Variants in RBFOX3 observed in about 807,000 individuals in gnomAD.
RBFOX3 encodes RNA binding fox-1 homolog 3, also known as RNA binding protein fox-1 homolog 3.
A neutral mutation model predicts 48.7 loss-of-function variants in RBFOX3; 17 were observed. That is an observed-to-expected ratio of 0.35 (90% CI 0.24 to 0.52). The LOEUF (loss-of-function observed/expected upper bound fraction) is 0.52. Among genes scored for constraint, RBFOX3 ranks in the 20% least tolerant of loss-of-function variants. The pLI, the probability that RBFOX3 is intolerant of heterozygous loss-of-function variation, is 0.94. For missense variants in RBFOX3, 382 were observed against 497.5 expected (o/e 0.77, Z 2.21); for synonymous variants, 212 against 209.5 (o/e 1.01, Z -0.10).
At chr17:79,520,643 A>G (rs1205789713) in intron 1 of RBFOX3, among the ~76,000 whole-genome samples, 1 of 152,228 alleles carries the variant, frequency 6.6e-6, no homozygotes, top group South Asian at 2.1e-4. Context: ...TGAGCCTGAC[A>G]TCTCGGCCTG....
chr17:79,475,281 C>T (rs563956847), intron 2 of RBFOX3, among the ~76,000 whole-genome samples: 1 of 152,094 alleles, frequency 6.6e-6, no homozygotes, highest in Non-Finnish European at 1.5e-5. Flanking sequence ...CAGCTCCAGT[C>T]ATTCTGGCCT....
chr17:79,510,682 A>C (rs2084006898), intron 1 of RBFOX3, among the ~76,000 whole-genome samples: 1 of 152,164 alleles, frequency 6.6e-6, no homozygotes, highest in South Asian at 2.1e-4. Context: ...GTGCATCTTA[A>C]ACAGGGCCCA....
At chr17:79,645,352 G>A in the RBFOX3 span, among the ~76,000 whole-genome samples, 5 of 142,076 alleles carry the variant, frequency 3.5e-5, no homozygotes, top group Admixed American at 2.1e-4. Flanking sequence ...CAGAAACACC[G>A]CCTCTTTATG....
In RBFOX3 at chr17:79,105,681, C is replaced by G. The variant is rs2077227478; in HGVS notation, c.360+970G>C. Among the ~76,000 whole-genome samples the G allele has an allele frequency of 2.6e-5, 4 of 152,138 alleles. No individual in the cohort carries two copies. In the South Asian group the frequency reaches 8.3e-4, roughly 32 times the overall value. On this transcript the variant is annotated intron_variant, in intron 6 of 14. Coordinates refer to ENST00000693108, the MANE Select transcript of RBFOX3 (RefSeq NM_001350451.2). ...TGGGGCTGCCAGAGGTGCTTCCAGT[C>G]TGCCTGACAAATCCCAGCTGGGTCA...
At position 79,386,428 on chromosome 17, in the gene RBFOX3, G is replaced by C. The variant is rs952866395; in HGVS notation, c.-174-78604C>G. Among the ~76,000 whole-genome samples, 13 of 152,202 alleles carry C rather than the reference G, an allele frequency of 8.5e-5. No individual in the cohort carries two copies. The East Asian group carries it at 2.5e-3, about 29-fold the overall frequency. ...GGGCTCCATCACTACTTTACACATA[G>C]GGAAACTCAATAAGAGCCAGAAAGT... is the stretch of plus-strand genomic sequence containing the variant. On this transcript the variant is annotated intron_variant, in intron 2 of 14. Coordinates refer to ENST00000693108, the MANE Select transcript of RBFOX3 (RefSeq NM_001350451.2).
chr17:79,271,092 T>TTA (rs2143691107), intron 3 of RBFOX3, among the ~76,000 whole-genome samples: 1 of 151,940 alleles, frequency 6.6e-6, no homozygotes, highest in Non-Finnish European at 1.5e-5. Context: ...TTTTTTTTTT[T>TTA]GAGACGGAGT....
chr17:79,314,567 G>A (rs1230440785), intron 2 of RBFOX3, among the ~76,000 whole-genome samples: 1 of 152,122 alleles, frequency 6.6e-6, no homozygotes. Flanking sequence ...GCAAACCACT[G>A]GGAGTTTCAT....
chr17:79,582,711 A>G (rs1260708518), intron 1 of RBFOX3, among the ~76,000 whole-genome samples: 3 of 130,630 alleles, frequency 2.3e-5, no homozygotes, highest in Non-Finnish European at 4.7e-5. Context: ...GAAGCCCGGG[A>G]TGTTGAGGCT....
At chr17:79,133,343 T>C (rs1599590768) in intron 4 of RBFOX3, among the ~76,000 whole-genome samples, 1 of 152,164 alleles carries the variant, frequency 6.6e-6, no homozygotes, top group East Asian at 1.9e-4. Context: ...CTCATGCAGC[T>C]CCCATCTCAC....
At chr17:79,374,290 G>T (rs1476788557) in intron 2 of RBFOX3, among the ~76,000 whole-genome samples, 1 of 152,168 alleles carries the variant, frequency 6.6e-6, no homozygotes, top group Non-Finnish European at 1.5e-5. Flanking sequence ...AGCTTCCCAG[G>T]GCAAGGGACC....
At chr17:79,349,311 G>A (rs1049354064) in intron 2 of RBFOX3, among the ~76,000 whole-genome samples, 4 of 151,982 alleles carry the variant, frequency 2.6e-5, no homozygotes, top group Admixed American at 6.5e-5. Flanking sequence ...CTCACCACTC[G>A]CACTCCTCTG....
chr17:79,624,275 C>G, the RBFOX3 span, among the ~76,000 whole-genome samples: 1 of 152,106 alleles, frequency 6.6e-6, no homozygotes. Flanking sequence ...CCCGTCAGCT[C>G]CCGGATCAGG....
rs548565562 is a variant in RBFOX3 at position 79,305,133 on chromosome 17, A to C, written c.-74+2591T>G. Among the ~76,000 whole-genome samples the C allele has an allele frequency of 7.9e-5, 12 of 152,170 alleles. 1 individual carries two copies. The South Asian group carries it at 1.0e-3, about 13-fold the overall frequency. On this transcript the variant is annotated intron_variant, in intron 3 of 14. Coordinates refer to ENST00000693108, the MANE Select transcript of RBFOX3 (RefSeq NM_001350451.2). ...CAGCTCTGGCTATTTTTAGTCAATCATCAACCCCTCCGATGGTGGCCCCAG... is the reference window on the plus strand; with the variant it reads ...CAGCTCTGGCTATTTTTAGTCAATCCTCAACCCCTCCGATGGTGGCCCCAG...
At chr17:79,274,964 G>A (rs923319339) in intron 3 of RBFOX3, among the ~76,000 whole-genome samples, 2 of 75,266 alleles carry the variant, frequency 2.7e-5, no homozygotes, top group Non-Finnish European at 5.2e-5. Context: ...CATGGCCCCC[G>A]CAGGCATCCC....
At chr17:79,272,913 C>G (rs2067997141) in intron 3 of RBFOX3, among the ~76,000 whole-genome samples, 1 of 90,670 alleles carries the variant, frequency 1.1e-5, no homozygotes, top group Admixed American at 9.7e-5. Context: ...GTGTCCCCAT[C>G]TCTAGGGCCA....
chr17:79,657,431 C>T, the RBFOX3 span, among the ~76,000 whole-genome samples: 2 of 152,184 alleles, frequency 1.3e-5, no homozygotes, highest in Non-Finnish European at 2.9e-5. Flanking sequence ...GTAATCCTAG[C>T]ACTTTGGGAG....
intron 3 of RBFOX3, among the ~76,000 whole-genome samples, chr17:79,251,827 C>T (rs2064002511): frequency 6.6e-6 from 1 of 152,220 alleles, no homozygotes. Flanking sequence ...ACCAACCCAC[C>T]TGCCCACCTG....
chr17:79,321,551 G>T (rs1417664144), intron 2 of RBFOX3, among the ~76,000 whole-genome samples: 1 of 152,088 alleles, frequency 6.6e-6, no homozygotes, highest in Non-Finnish European at 1.5e-5. Context: ...TGATGTGGGA[G>T]CTCTACCATC....
chr17:79,218,857 C>A (rs1467112094), intron 4 of RBFOX3, among the ~76,000 whole-genome samples: 1 of 152,188 alleles, frequency 6.6e-6, no homozygotes, highest in Non-Finnish European at 1.5e-5. Context: ...CATCCTTGCC[C>A]CAATTTTGCC....
Sources: gnomAD v4.1 joint callset for allele counts (sites outside exome capture counted in the v4.1 genomes callset) on GRCh38, gnomAD v4.1.1 for gene constraint, MANE v1.5 for transcripts, NCBI Gene and HGNC (gene_info 2026-07-23, HGNC 2026-07-21) for gene names.